The following ODAD2 variants were observed in gnomAD, a reference collection of about 807,000 sequenced individuals.
The protein encoded by ODAD2 is outer dynein arm docking complex subunit 2.
ODAD2 carries 89 observed loss-of-function variants against 106.8 expected under a neutral mutation model. The ratio of observed to expected loss-of-function variants is 0.83; its 90% CI spans 0.70 to 0.99. The LOEUF is 0.99. Among genes scored for constraint, ODAD2 ranks in the 50% least tolerant of loss-of-function variants. ODAD2 has a pLI of 0.00. For synonymous variants in ODAD2, 404 were observed against 436.2 expected, an observed-to-expected ratio of 0.93 and a Z score of 0.92; for missense variants, 1,168 against 1,238.5, an observed-to-expected ratio of 0.94 and a Z score of 0.85.
intron 8 of ODAD2, among the ~76,000 whole-genome samples, chr10:27,970,146 A>AAATC (rs1848752389): frequency 2.0e-5 from 3 of 149,094 alleles, no homozygotes; most frequent in Non-Finnish European, 3.0e-5. Flanking sequence ...ATAAATAAAT[A>AAATC]AATCTCTAGG....
intron 19 of ODAD2, among the ~76,000 whole-genome samples, chr10:27,841,653 C>T (rs1270691467): frequency 6.6e-6 from 1 of 152,150 alleles, no homozygotes; most frequent in East Asian, 1.9e-4. Flanking sequence ...GCCTCGGCCT[C>T]CCAAACTGCT....
At position 27,935,072 on chromosome 10, in the gene ODAD2, T is replaced by C. The variant is rs755790914; in HGVS notation, c.2433A>G (p.Gln811=). The change falls in exon 16 of 20, where the codon CAA becomes CAG. Residue 811 remains glutamine (Q), a synonymous_variant. Transcript: ENST00000305242. Reference sequence around the variant, plus strand: ...CTTTTGTAACATTCACAAGAAGAGCTTGGTTTATTCCAACAAGGAGGTTCA... The same window carrying C: ...CTTTTGTAACATTCACAAGAAGAGCCTGGTTTATTCCAACAAGGAGGTTCA... The part of the protein sequence containing the change: ...PLVNLLVGIN[Q]ALLVNVTKAV... 1.2e-6 allele frequency: 2 copies of C among 1,613,976 alleles called. No homozygotes were observed. Among genetic ancestry groups the C allele is most frequent in the Non-Finnish European group, 1.7e-6 (2 of 1,179,894 alleles).
At position 27,983,885 on chromosome 10, in the gene ODAD2, AG is replaced by A; in HGVS notation, c.776del (p.Thr259IlefsTer13). On this transcript the variant is annotated frameshift_variant, in exon 6 of 20. Coordinates refer to ENST00000305242, the MANE Select transcript of ODAD2 (RefSeq NM_018076.5). LOFTEE classifies it high-confidence loss of function. ...CTCCTGCACTGCAAGTAATGCACAG[AG>A]TCTCACCATCGTGAGGTTTCACCAG... ...YVLVKPHDGE[T>X]LCITCSAGGV... 6.2e-7 allele frequency: 1 copy of A among 1,612,814 alleles called. No individual in the cohort carries two copies. The highest frequency in any genetic ancestry group is 1.7e-5 in the Admixed American group (1 of 59,654).
intron 17 of ODAD2, among the ~76,000 whole-genome samples, chr10:27,877,122 A>G (rs1214742926): frequency 6.6e-6 from 1 of 152,196 alleles, no homozygotes; most frequent in Non-Finnish European, 1.5e-5. Flanking sequence ...ACAAACACTT[A>G]AAAGGAACAG....
intron 1 of ODAD2, chr10:27,997,543 C>T (rs1244403816): frequency 6.6e-6 from 1 of 152,088 alleles, no homozygotes; most frequent in Non-Finnish European, 1.5e-5. Context: ...AATGCAAAAT[C>T]GTTATTTTCG....
At chr10:27,820,428 A>C (rs1257903085) in intron 19 of ODAD2, among the ~76,000 whole-genome samples, 1 of 151,926 alleles carries the variant, frequency 6.6e-6, no homozygotes, top group Non-Finnish European at 1.5e-5. Flanking sequence ...TGTGAGTGTC[A>C]AGCATATGAG....
chr10:27,947,543 GAACA>G lies in ODAD2; in HGVS notation c.1387-2585_1387-2582del, dbSNP rs376820055. Among the ~76,000 whole-genome samples, 601 of 152,146 alleles carry G rather than the reference GAACA, an allele frequency of 4.0e-3. 7 individuals are homozygous for G. The highest frequency in any genetic ancestry group is 0.013 in the African/African-American group (560 of 41,504). On this transcript the variant is annotated intron_variant, in intron 10 of 19. Coordinates refer to ENST00000305242, the MANE Select transcript of ODAD2 (RefSeq NM_018076.5). The stretch of plus-strand genomic sequence containing the variant: ...AAATTAAATCATGCACAAAAAGAAA[GAACA>G]AAGAAAATAAGAAAAACAATTCATT...
intron 19 of ODAD2, among the ~76,000 whole-genome samples, chr10:27,837,138 G>C (rs975487457): frequency 6.6e-6 from 1 of 152,160 alleles, no homozygotes; most frequent in Non-Finnish European, 1.5e-5. Context: ...ACCGTTAAAA[G>C]ACACCAGCAT....
chr10:27,830,108 A>C (rs537456902), intron 19 of ODAD2, among the ~76,000 whole-genome samples: 9 of 152,186 alleles, frequency 5.9e-5, no homozygotes, highest in Non-Finnish European at 1.3e-4. Flanking sequence ...CTCCCCATAG[A>C]GATCCTTGAA....
At chr10:27,919,329 C>T (rs561257879) in intron 16 of ODAD2, among the ~76,000 whole-genome samples, 1 of 152,078 alleles carries the variant, frequency 6.6e-6, no homozygotes, top group East Asian at 1.9e-4. Context: ...CCTTAAAGGA[C>T]AACCGAAAAA....
chr10:27,831,538 T>C (rs1454241291), intron 19 of ODAD2, among the ~76,000 whole-genome samples: 3 of 152,218 alleles, frequency 2.0e-5, no homozygotes, highest in African/African-American at 7.2e-5. Flanking sequence ...AATGTAGAGA[T>C]GAGGAAACCA....
In ODAD2 at chr10:27,943,060, G is replaced by T. The variant is rs879272073; in HGVS notation, c.1743+1162C>A. Among the ~76,000 whole-genome samples the T allele has an allele frequency of 3.0e-4, 46 of 152,266 alleles. 1 individual carries two copies. The highest frequency in any genetic ancestry group is 3.0e-3 in the Admixed American group (46 of 15,282). On this transcript the variant is annotated intron_variant, in intron 12 of 19. Coordinates refer to ENST00000305242, the MANE Select transcript of ODAD2 (RefSeq NM_018076.5). ...TGTGAAAGACACTAGGATGAATAAGGCCTGTCACTTAAAGTGCAGAAGTGG... is the reference window on the plus strand; with the variant it reads ...TGTGAAAGACACTAGGATGAATAAGTCCTGTCACTTAAAGTGCAGAAGTGG...
At chr10:27,885,785 T>TTACATATAA (rs1842152625) in intron 17 of ODAD2, among the ~76,000 whole-genome samples, 1 of 27,222 alleles carries the variant, frequency 3.7e-5, no homozygotes, top group African/African-American at 1.3e-4. Context: ...AAAATATATA[T>TTACATATAA]TATATATAAT....
chr10:27,858,252 A>G (rs1272379675), intron 19 of ODAD2, among the ~76,000 whole-genome samples: 1 of 152,208 alleles, frequency 6.6e-6, no homozygotes, highest in East Asian at 1.9e-4. Flanking sequence ...AAGGAAACAC[A>G]GGTTGTTATG....
At chr10:27,955,424 T>A (rs1479756871) in intron 10 of ODAD2, among the ~76,000 whole-genome samples, 9 of 152,200 alleles carry the variant, frequency 5.9e-5, no homozygotes, top group Non-Finnish European at 1.0e-4. Flanking sequence ...TTCTTGACAG[T>A]GGAACCAAAC....
At position 27,962,979 on chromosome 10, in the gene ODAD2, A is replaced by G. The variant is rs574652779; in HGVS notation, c.1239-1264T>C. ...TTTAATATTAAATAATACCAACAGCAGCCACCAGTTTTGTCTATTTTGCCC... is the reference window on the plus strand; with the variant it reads ...TTTAATATTAAATAATACCAACAGCGGCCACCAGTTTTGTCTATTTTGCCC... On this transcript the variant is annotated intron_variant, in intron 9 of 19. Coordinates refer to ENST00000305242, the MANE Select transcript of ODAD2 (RefSeq NM_018076.5). Among the ~76,000 whole-genome samples the G allele has an allele frequency of 2.8e-4, 42 of 151,248 alleles. 1 individual carries two copies. The highest frequency in any genetic ancestry group is 4.6e-4 in the African/African-American group (19 of 41,232).
intron 19 of ODAD2, among the ~76,000 whole-genome samples, chr10:27,829,303 T>A (rs1837299370): frequency 6.6e-6 from 1 of 152,232 alleles, no homozygotes; most frequent in Non-Finnish European, 1.5e-5. Flanking sequence ...CTCATAAAGA[T>A]GAAAATAAAT....
chr10:27,812,680 A>C (rs1181716761), intron 19 of ODAD2, 55 bp from the exon 20 acceptor site: 63 of 1,510,892 alleles, frequency 4.2e-5, no homozygotes, highest in Non-Finnish European at 5.5e-5. Context: ...ATTAATCTAA[A>C]GACATAAAGT....
intron 19 of ODAD2, among the ~76,000 whole-genome samples, chr10:27,852,975 A>G (rs1442164331): frequency 6.6e-6 from 1 of 151,692 alleles, no homozygotes; most frequent in Non-Finnish European, 1.5e-5. Context: ...AAAAAAAAAA[A>G]AAAAAGAAAA....
Sources: gnomAD v4.1 joint callset for allele counts (sites outside exome capture counted in the v4.1 genomes callset) on GRCh38, gnomAD v4.1.1 for gene constraint, MANE v1.5 for transcripts, NCBI Gene and HGNC (gene_info 2026-07-23, HGNC 2026-07-21) for gene names.